The following TRIM37 variants were observed in gnomAD, a reference collection of about 807,000 sequenced individuals.
The protein encoded by TRIM37 is E3 ubiquitin-protein ligase TRIM37.
In TRIM37, 80 loss-of-function variants were observed where a neutral mutation model predicts 129.8. That is an observed-to-expected ratio of 0.62 (90% confidence interval 0.51 to 0.74). The LOEUF (loss-of-function observed/expected upper bound fraction) is 0.74. Among genes scored for constraint, TRIM37 ranks in the 30% least tolerant of loss-of-function variants. The probability of loss-of-function intolerance (pLI) is 0.00; values close to 1 mark genes in which losing one functional copy is unlikely to be tolerated. For missense variants in TRIM37, 1,054 were observed against 1,176.5 expected, an observed-to-expected ratio of 0.90 and a Z score of 1.52; for synonymous variants, 389 against 387.1, an observed-to-expected ratio of 1.00 and a Z score of -0.06.
At position 58,990,256 on chromosome 17, in the gene TRIM37, C is replaced by T. The variant is rs368766580; in HGVS notation, c.2892-7335G>A. Among the ~76,000 whole-genome samples the T allele has an allele frequency of 8.9e-5, 13 of 146,156 alleles. No homozygotes were observed. The South Asian group carries it at 1.5e-3, about 17-fold the overall frequency. On this transcript the variant is annotated intron_variant, in intron 24 of 24. Coordinates refer to the TRIM37 transcript ENST00000393066. ...CTATAATCCCAGCACTTTAGGAGGC[C>T]GAGGCAAGCAGATCACTTGAGGCCA... is the stretch of plus-strand genomic sequence containing the variant.
Position 58,999,445 on chromosome 17 carries a change from A to G in TRIM37, c.2827T>C (p.Phe943Leu), listed in dbSNP as rs988138682. 2.5e-6 allele frequency: 4 copies of G among 1,612,978 alleles called. No homozygotes were observed. In the African/African-American group the frequency reaches 5.3e-5, roughly 22 times the overall value. ...QPPDEDTHSS[F>L]PDGEQIGPED... is the part of the protein sequence containing the mutation. Reference sequence around the variant, plus strand: ...GGGCCTATTTGTTCACCATCAGGAAAACTGGAATGTGTATCTATGATTAAA... The same window carrying G: ...GGGCCTATTTGTTCACCATCAGGAAGACTGGAATGTGTATCTATGATTAAA... Residue 943 changes from phenylalanine to leucine, a missense_variant, in exon 24 of 24, where the codon TTT (phenylalanine) becomes CTT (leucine). Physicochemically the swap from Phe to Leu is conservative, Grantham distance 22. Coordinates refer to ENST00000262294, the MANE Select transcript of TRIM37 (RefSeq NM_015294.6).
At chr17:59,069,720 C>CCTTA (rs765439464) in intron 9 of TRIM37, among the ~76,000 whole-genome samples, 3 of 152,160 alleles carry the variant, frequency 2.0e-5, no homozygotes, top group Non-Finnish European at 4.4e-5. Flanking sequence ...AAAGCCCTAA[C>CCTTA]CCCCAATGTG....
At chr17:59,062,880 GA>G (rs902791278) in intron 10 of TRIM37, among the ~76,000 whole-genome samples, 3 of 151,472 alleles carry the variant, frequency 2.0e-5, no homozygotes, top group African/African-American at 7.3e-5. Flanking sequence ...AGTTTCAGGG[GA>G]AAAAAAACCC....
chr17:59,090,040 C>G (rs1418047636), intron 3 of TRIM37: 3 of 152,076 alleles, frequency 2.0e-5, no homozygotes, highest in African/African-American at 7.2e-5. Flanking sequence ...GTCGAGGCTG[C>G]AGTGAGCTGA....
At chr17:59,031,693 TTTTAC>T (rs2037862135) in intron 18 of TRIM37, among the ~76,000 whole-genome samples, 198 bp downstream of exon 18, 1 of 152,342 alleles carries the variant, frequency 6.6e-6, no homozygotes, top group Non-Finnish European at 1.5e-5. Flanking sequence ...TTGCAGGCAT[TTTTAC>T]TTTGTTTTTG....
At position 59,061,007 on chromosome 17, in the gene TRIM37, G is replaced by A. The variant is rs2146487297; in HGVS notation, c.1019+25C>T. 3 of 1,586,610 alleles carry A rather than the reference G, an allele frequency of 1.9e-6. No individual in the cohort carries two copies. In the East Asian group the frequency reaches 6.7e-5, roughly 36 times the overall value. ...GGAAGGTATGTAAATGCACATTAAG[G>A]TTGTTATTTAATTACACTTCTTACT... On this transcript the variant is annotated intron_variant, in intron 12 of 23. Transcript: ENST00000262294.
chr17:59,041,920 C>A, intron 16 of TRIM37, 22 bp from the exon 17 acceptor site: 1 of 1,553,888 alleles, frequency 6.4e-7, no homozygotes, highest in South Asian at 1.1e-5. Flanking sequence ...CAAAATCCAT[C>A]ATTTATATAG....
chr17:59,032,042 GTTC>G lies in TRIM37; in HGVS notation c.1799_1801del (p.Arg600del), dbSNP rs750352610. 8 of 1,614,068 alleles carry G rather than the reference GTTC, an allele frequency of 5.0e-6. No homozygotes were observed. Among genetic ancestry groups the G allele is most frequent in the South Asian group, 1.1e-5 (1 of 91,076 alleles). ...ACTGGTAGCAGCGGAGCATAAATGT[GTTC>G]TTCTTGATATTCTACTACTGGAACC... On this transcript the variant is annotated inframe_deletion, in exon 18 of 24. Coordinates refer to ENST00000262294, the MANE Select transcript of TRIM37 (RefSeq NM_015294.6).
chr17:59,092,881 T>C (rs1281844108), intron 2 of TRIM37, among the ~76,000 whole-genome samples: 2 of 152,012 alleles, frequency 1.3e-5, no homozygotes, highest in Non-Finnish European at 2.9e-5. Flanking sequence ...AGAAAAAGCA[T>C]ACAGAGCACG....
At chr17:58,969,422 T>C in the TRIM37 span, 3 of 972,302 alleles carry the variant, frequency 3.1e-6, no homozygotes, top group Non-Finnish European at 4.9e-6. Flanking sequence ...AGTCTCATTA[T>C]TCTGAATGAC....
At chr17:59,086,299 G>A (rs1034993169) in intron 4 of TRIM37, among the ~76,000 whole-genome samples, 2 of 150,014 alleles carry the variant, frequency 1.3e-5, no homozygotes, top group African/African-American at 2.5e-5. Flanking sequence ...ATGAAGTGGC[G>A]CGATCTTGGC....
In TRIM37 at chr17:59,000,547, G is replaced by A. The variant is rs147634006; in HGVS notation, c.2812+1051C>T. On this transcript the variant is annotated intron_variant, in intron 23 of 23. Transcript: ENST00000262294. The stretch of plus-strand genomic sequence containing the variant: ...ACCCAGGAGGCAGAAGTTGCAGTGA[G>A]CTGAGATTGTGCCACTGCACTTCAG... Among the ~76,000 whole-genome samples the A allele has an allele frequency of 6.5e-3, 987 of 152,232 alleles. 6 individuals are homozygous for A. The highest frequency in any genetic ancestry group is 0.022 in the African/African-American group (926 of 41,532).
intron 6 of TRIM37, 124 bp from the exon 7 acceptor site, chr17:59,080,001 T>C (rs2043131329): frequency 2.8e-6 from 3 of 1,057,264 alleles, no homozygotes; most frequent in Non-Finnish European, 4.1e-6. Context: ...CAAATGGAAA[T>C]GACCCAACTT....
chr17:59,049,280 T>C lies in TRIM37; in HGVS notation c.1428A>G (p.Ala476=), dbSNP rs1290058558. 1.2e-6 allele frequency: 2 copies of C among 1,614,222 alleles called. No individual in the cohort carries two copies. Among genetic ancestry groups the C allele is most frequent in the Admixed American group, 1.7e-5 (1 of 60,020 alleles). The change falls in exon 15 of 24, where the codon GCA becomes GCG. Residue 476 remains alanine (A), a synonymous_variant. Transcript: ENST00000262294. ...CACCTTCGAGAAGCATGTCAGAGCA[T>C]GCAGACTTCTTAGCTCGTGTCTCCA... ...DALETRAKKS[A]CSDMLLEGGP...
At chr17:58,995,401 G>A, downstream of TRIM37, among the ~76,000 whole-genome samples, 1 of 146,680 alleles carries the variant, frequency 6.8e-6, no homozygotes. Context: ...GCAAAGAAAT[G>A]CTTAAAAAAA....
Position 59,047,665 on chromosome 17 carries a change from G to A in TRIM37, c.1667+18C>T. On this transcript the variant is annotated intron_variant, in intron 16 of 23. Coordinates refer to ENST00000262294, the MANE Select transcript of TRIM37 (RefSeq NM_015294.6). ...ATTACCACTTAAATGCTTTACAGTA[G>A]TAAAGTGGGAAACTCACATAGTTTC... 1.2e-6 allele frequency: 2 copies of A among 1,609,890 alleles called. No individual in the cohort carries two copies. The highest frequency in any genetic ancestry group is 1.7e-6 in the Non-Finnish European group (2 of 1,177,756).
Position 59,106,516 on chromosome 17 carries a change from T to A in TRIM37, c.-55A>T. 1 of 1,609,796 alleles carries A rather than the reference T, an allele frequency of 6.2e-7. No individual in the cohort carries two copies. Among genetic ancestry groups the A allele is most frequent in the Non-Finnish European group, 8.5e-7 (1 of 1,177,920 alleles). The stretch of plus-strand genomic sequence containing the variant: ...GACCCGCAGGCTCCGCAGTCTGACC[T>A]CTTAGGCGCCGGCCCGAGGTCGCCA... On this transcript the variant is annotated 5_prime_UTR_variant, in exon 1 of 24. Coordinates refer to ENST00000262294, the MANE Select transcript of TRIM37 (RefSeq NM_015294.6).
Position 58,999,339 on chromosome 17 carries a change from T to G in TRIM37, c.*38A>C. Reference sequence around the variant, plus strand: ...GCACCAACTACAGCAAAATTCAGGGTCAAGGTAGCTTGCAAGTCAGTTCTC... The same window carrying G: ...GCACCAACTACAGCAAAATTCAGGGGCAAGGTAGCTTGCAAGTCAGTTCTC... On this transcript the variant is annotated 3_prime_UTR_variant, in exon 24 of 24. Coordinates refer to ENST00000262294, the MANE Select transcript of TRIM37 (RefSeq NM_015294.6). The G allele has an allele frequency of 2.5e-6, 4 of 1,613,666 alleles. No individual in the cohort carries two copies. The highest frequency in any genetic ancestry group is 3.4e-6 in the Non-Finnish European group (4 of 1,179,750).
intron 4 of TRIM37, among the ~76,000 whole-genome samples, chr17:59,087,540 C>T (rs1313023158): frequency 2.6e-5 from 4 of 150,990 alleles, no homozygotes; most frequent in Non-Finnish European, 5.9e-5. Flanking sequence ...AGAGATCCTC[C>T]TGCCTGAGCC....
Sources: gnomAD v4.1 joint callset for allele counts (sites outside exome capture counted in the v4.1 genomes callset) on GRCh38, gnomAD v4.1.1 for gene constraint, MANE v1.5 for transcripts, NCBI Gene and HGNC (gene_info 2026-07-23, HGNC 2026-07-21) for gene names.